Variants in PKIA observed in about 807,000 individuals in gnomAD.
PKIA encodes the protein cAMP-dependent protein kinase inhibitor alpha.
In PKIA, 4 loss-of-function variants were observed where a neutral mutation model predicts 7.6. The observed-to-expected ratio is 0.52, with a 90% confidence interval of 0.26 to 1.20. The LOEUF (loss-of-function observed/expected upper bound fraction) is 1.20, where lower values mean the gene tolerates loss of function less well. Ranked by LOEUF, PKIA falls within the 50% of genes most tolerant of loss-of-function variation. The probability of loss-of-function intolerance (pLI) is 0.13; values close to 1 mark genes in which losing one functional copy is unlikely to be tolerated. For synonymous variants in PKIA, 21 were observed against 30.7 expected (o/e 0.68, Z 1.04); for missense variants, 73 against 86.2 (o/e 0.85, Z 0.61).
chr8:78,588,200 A>G (rs1025240554), intron 2 of PKIA, among the ~76,000 whole-genome samples: 10 of 152,118 alleles, frequency 6.6e-5, no homozygotes, highest in Non-Finnish European at 1.3e-4. Context: ...GAGAAGACCA[A>G]TAGGAGAATA....
chr8:78,578,542 T>TA (rs1563587141), intron 2 of PKIA, among the ~76,000 whole-genome samples: 2 of 3,820 alleles, frequency 5.2e-4, no homozygotes, highest in East Asian at 0.25. Context: ...AAAAAATCAT[T>TA]ATTTTTTTGT....
chr8:78,580,186 CAT>C (rs759942270), intron 2 of PKIA, among the ~76,000 whole-genome samples: 14 of 151,938 alleles, frequency 9.2e-5, no homozygotes, highest in Admixed American at 1.3e-4. Flanking sequence ...AATTTTGTCA[CAT>C]ATTGCTATAA....
In PKIA at chr8:78,545,557, G is replaced by C. The variant is rs115301683; in HGVS notation, c.-156-27254G>C. Among the ~76,000 whole-genome samples the C allele has an allele frequency of 8.0e-3, 1,213 of 152,184 alleles. 11 individuals are homozygous for C. Among genetic ancestry groups the C allele is most frequent in the African/African-American group, 0.027 (1,126 of 41,514 alleles). On this transcript the variant is annotated intron_variant, in intron 1 of 3. Transcript: ENST00000396418. ...CCCTAGTGTAAGCTTAGCATATTTTGTATACTAATTAGCTTTTACTGACAT... is the reference window on the plus strand; with the variant it reads ...CCCTAGTGTAAGCTTAGCATATTTTCTATACTAATTAGCTTTTACTGACAT...
At chr8:78,550,191 T>C (rs1806948564) in intron 1 of PKIA, among the ~76,000 whole-genome samples, 1 of 152,094 alleles carries the variant, frequency 6.6e-6, no homozygotes, top group Non-Finnish European at 1.5e-5. Flanking sequence ...TAGTGAAAAA[T>C]ACTGGAGGAT....
intron 2 of PKIA, among the ~76,000 whole-genome samples, chr8:78,585,217 C>T (rs915427883): frequency 1.3e-5 from 2 of 151,626 alleles, no homozygotes; most frequent in African/African-American, 4.8e-5. Flanking sequence ...ATTGATATAT[C>T]CATTATATAT....
intron 2 of PKIA, among the ~76,000 whole-genome samples, chr8:78,598,134 A>G (rs985188692): frequency 6.7e-6 from 1 of 148,480 alleles, no homozygotes; most frequent in Non-Finnish European, 1.5e-5. Context: ...ATATTAAATG[A>G]ATATTAAATA....
chr8:78,583,670 G>A (rs1248625171), intron 2 of PKIA, among the ~76,000 whole-genome samples: 2 of 152,048 alleles, frequency 1.3e-5, no homozygotes, highest in South Asian at 2.1e-4. Flanking sequence ...CATTTTAGTA[G>A]AGGAGATTAT....
intron 2 of PKIA, among the ~76,000 whole-genome samples, chr8:78,578,717 C>G (rs1312408612): frequency 6.6e-6 from 1 of 151,900 alleles, no homozygotes; most frequent in Admixed American, 6.6e-5. Flanking sequence ...TCTTTCTGGT[C>G]TCCTTTGTGA....
chr8:78,598,543 A>G lies in PKIA; in HGVS notation c.151+8A>G. 1 of 1,601,814 alleles carries G rather than the reference A, an allele frequency of 6.2e-7. No individual in the cohort carries two copies. Among genetic ancestry groups the G allele is most frequent in the Non-Finnish European group, 8.5e-7 (1 of 1,171,602 alleles). ...TTGATATCAACAAGACAGGTAAGTC[A>G]TCTGGCACACATTTCTCTATGAGCA... On this transcript the variant is annotated splice_region_variant and intron_variant, in intron 3 of 3. Transcript: ENST00000396418.
chr8:78,584,557 A>G (rs967160372), intron 2 of PKIA, among the ~76,000 whole-genome samples: 3 of 152,172 alleles, frequency 2.0e-5, no homozygotes, highest in African/African-American at 4.8e-5. Flanking sequence ...TCTTCTAATT[A>G]TAACTCAAAT....
chr8:78,588,159 A>T (rs182569144), intron 2 of PKIA, among the ~76,000 whole-genome samples: 32 of 152,342 alleles, frequency 2.1e-4, no homozygotes, highest in African/African-American at 7.2e-4. Context: ...GAGATGGAGA[A>T]AGAGTGTGAC....
rs550807168 is a variant in PKIA, at chr8:78,580,391, A to G, written c.-28+7452A>G. On this transcript the variant is annotated intron_variant, in intron 2 of 3. Coordinates refer to ENST00000396418, the MANE Select transcript of PKIA (RefSeq NM_006823.4). The stretch of plus-strand genomic sequence containing the variant: ...CATTCTTTACCACTTTCCTTTCCTC[A>G]TCCTCTTCCTTGTCCTTTCCCTTCT... 5.7e-4 allele frequency among the ~76,000 whole-genome samples: 86 copies of G among 152,110 alleles called. 2 individuals carry two copies. The highest frequency in any genetic ancestry group is 6.8e-3 in the Middle Eastern group (2 of 294).
At chr8:78,529,405 A>G (rs1806336980) in intron 1 of PKIA, among the ~76,000 whole-genome samples, 1 of 152,218 alleles carries the variant, frequency 6.6e-6, no homozygotes. Flanking sequence ...AAACTGAAGT[A>G]TGATCTATAT....
chr8:78,542,246 AG>A (rs1300137488), intron 1 of PKIA, among the ~76,000 whole-genome samples: 4 of 152,092 alleles, frequency 2.6e-5, no homozygotes, highest in African/African-American at 9.7e-5. Flanking sequence ...GCACTGCCCT[AG>A]TTTGAACTTA....
At chr8:78,578,797 T>C (rs1415779312) in intron 2 of PKIA, among the ~76,000 whole-genome samples, 2 of 151,924 alleles carry the variant, frequency 1.3e-5, no homozygotes, top group Non-Finnish European at 2.9e-5. Flanking sequence ...CGGTTTTCTG[T>C]CTGTGCACAT....
intron 1 of PKIA, among the ~76,000 whole-genome samples, chr8:78,519,896 C>T (rs1441114893): frequency 6.6e-6 from 1 of 152,158 alleles, no homozygotes; most frequent in South Asian, 2.1e-4. Context: ...CAGATACTGA[C>T]TCACTTATGA....
At chr8:78,556,151 A>G (rs1345602514) in intron 1 of PKIA, among the ~76,000 whole-genome samples, 1 of 152,086 alleles carries the variant, frequency 6.6e-6, no homozygotes, top group African/African-American at 2.4e-5. Flanking sequence ...TTTGCTTTGA[A>G]TGAATATGGA....
intron 2 of PKIA, among the ~76,000 whole-genome samples, chr8:78,589,973 T>C (rs947434771): frequency 2.0e-5 from 3 of 152,182 alleles, no homozygotes; most frequent in Non-Finnish European, 2.9e-5. Context: ...AAACTAGTTG[T>C]TCAAACTTGG....
intron 1 of PKIA, among the ~76,000 whole-genome samples, chr8:78,543,625 G>A (rs920437791): frequency 1.4e-4 from 21 of 152,254 alleles, no homozygotes; most frequent in Non-Finnish European, 1.5e-4. Context: ...AGGCATTAAC[G>A]TGGAGGCCTA....
Sources: gnomAD v4.1 joint callset for allele counts (sites outside exome capture counted in the v4.1 genomes callset) on GRCh38, gnomAD v4.1.1 for gene constraint, MANE v1.5 for transcripts, NCBI Gene and HGNC (gene_info 2026-07-23, HGNC 2026-07-21) for gene names.